The following KCNIP4 variants were observed in gnomAD, a reference collection of about 807,000 sequenced individuals.
The protein encoded by KCNIP4 is potassium voltage-gated channel interacting protein 4.
In KCNIP4, 12 loss-of-function variants were observed where a neutral mutation model predicts 34.0. The observed-to-expected ratio is 0.35, with a 90% confidence interval of 0.23 to 0.57. The LOEUF (loss-of-function observed/expected upper bound fraction) is 0.57, where lower values mean the gene tolerates loss of function less well. KCNIP4 is among the 20% of genes least tolerant of loss of function. The pLI is 0.83. For missense variants in KCNIP4, 238 were observed against 311.7 expected (o/e 0.76, Z 1.78); for synonymous variants, 124 against 102.2 (o/e 1.21, Z -1.29).
Position 21,399,583 on chromosome 4 carries a change from T to TAA in KCNIP4, c.62-516875_62-516874insTT, listed in dbSNP as rs202236308. 8.4e-3 allele frequency among the ~76,000 whole-genome samples: 1,285 copies of TAA among 152,272 alleles called. 17 individuals are homozygous for TAA. Among genetic ancestry groups the TAA allele is most frequent in the African/African-American group, 0.03 (1,235 of 41,536 alleles). On this transcript the variant is annotated intron_variant, in intron 1 of 8. Transcript: ENST00000382152. ...CAGTTTGAACTGGCTTTTAAGTCAC[T>TAA]CAAGTACTAACTGGGCTTGCCAGAT...
intron 1 of KCNIP4, among the ~76,000 whole-genome samples, chr4:21,443,313 C>G (rs1391863045): frequency 6.6e-6 from 1 of 152,178 alleles, no homozygotes; most frequent in East Asian, 1.9e-4. Context: ...CTATCCCTCC[C>G]TCTGTGTGAA....
chr4:21,594,008 TG>T (rs1742428682), intron 1 of KCNIP4, among the ~76,000 whole-genome samples: 1 of 152,044 alleles, frequency 6.6e-6, no homozygotes, highest in South Asian at 2.1e-4. Flanking sequence ...TAGTATACCT[TG>T]GGGCCTGCAT....
intron 5 of KCNIP4, among the ~76,000 whole-genome samples, chr4:20,735,827 G>T (rs564317171): frequency 6.6e-6 from 1 of 152,140 alleles, no homozygotes; most frequent in South Asian, 2.1e-4. Flanking sequence ...GAGCCACCAC[G>T]CCTGGCCAGA....
At chr4:20,910,911 C>T (rs1158084008) in intron 1 of KCNIP4, among the ~76,000 whole-genome samples, 1 of 152,108 alleles carries the variant, frequency 6.6e-6, no homozygotes, top group African/African-American at 2.4e-5. Context: ...GAAGCTTTTC[C>T]TCCTCCTTTA....
At chr4:20,787,494 A>T (rs142265962) in intron 3 of KCNIP4, among the ~76,000 whole-genome samples, 2,721 of 152,024 alleles carry the variant, frequency 0.018, 29 homozygotes, top group Non-Finnish European at 0.027. Flanking sequence ...TATTGATTTT[A>T]TTTTTGGCGC....
chr4:21,133,040 T>G (rs1751205482), intron 1 of KCNIP4, among the ~76,000 whole-genome samples: 1 of 151,340 alleles, frequency 6.6e-6, no homozygotes, highest in South Asian at 2.1e-4. Flanking sequence ...GTTTTGCAAA[T>G]GTCAAAAATT....
chr4:21,384,941 C>T (rs564184357), intron 1 of KCNIP4, among the ~76,000 whole-genome samples: 2 of 152,262 alleles, frequency 1.3e-5, no homozygotes, highest in East Asian at 1.9e-4. Flanking sequence ...ACTAAGCTAT[C>T]GTGTCATTAA....
chr4:21,148,672 T>C (rs1386280023), intron 1 of KCNIP4, among the ~76,000 whole-genome samples: 4 of 150,908 alleles, frequency 2.7e-5, no homozygotes, highest in African/African-American at 9.8e-5. Flanking sequence ...AAATTCCAAC[T>C]GTGATACTAC....
chr4:21,721,770 A>G (rs115735044), intron 1 of KCNIP4, among the ~76,000 whole-genome samples: 306 of 152,316 alleles, frequency 2.0e-3, no homozygotes, highest in African/African-American at 6.8e-3. Flanking sequence ...TCAATAAAAC[A>G]TGGTTGTAAA....
rs141821316 is a variant in KCNIP4 at position 21,465,766 on chromosome 4, C to A, written c.61+482805G>T. On this transcript the variant is annotated intron_variant, in intron 1 of 8. Transcript: ENST00000382152. Reference sequence around the variant, plus strand: ...GTACCTGACACATAGTGGGCACTCTCCAAGAGTGGTAGCTTAAAACATGCA... The same window carrying A: ...GTACCTGACACATAGTGGGCACTCTACAAGAGTGGTAGCTTAAAACATGCA... Among the ~76,000 whole-genome samples, 47 of 152,284 alleles carry A rather than the reference C, an allele frequency of 3.1e-4. 1 individual carries two copies. Among genetic ancestry groups the A allele is most frequent in the Middle Eastern group, 3.4e-3 (1 of 292 alleles).
At chr4:21,005,787 G>A (rs1229542699) in intron 1 of KCNIP4, among the ~76,000 whole-genome samples, 3 of 152,112 alleles carry the variant, frequency 2.0e-5, no homozygotes, top group Non-Finnish European at 4.4e-5. Context: ...GAAGGAGGAA[G>A]GACAGGCCCT....
chr4:21,399,945 G>T lies in KCNIP4; in HGVS notation c.62-517236C>A, dbSNP rs77959245. On this transcript the variant is annotated intron_variant, in intron 1 of 8. Coordinates refer to ENST00000382152, the MANE Select transcript of KCNIP4 (RefSeq NM_025221.6). Reference sequence around the variant, plus strand: ...AGGTGCTGTCATAAGAAGTAGTAAGGTGTTGTATATACTTTCCTGGAGAGG... The same window carrying T: ...AGGTGCTGTCATAAGAAGTAGTAAGTTGTTGTATATACTTTCCTGGAGAGG... 8.5e-3 allele frequency among the ~76,000 whole-genome samples: 1,294 copies of T among 152,230 alleles called. 19 individuals are homozygous for T. The highest frequency in any genetic ancestry group is 0.03 in the African/African-American group (1,243 of 41,524).
intron 1 of KCNIP4, among the ~76,000 whole-genome samples, chr4:21,004,309 A>G (rs527552057): frequency 9.2e-5 from 14 of 152,322 alleles, no homozygotes; most frequent in African/African-American, 3.4e-4. Flanking sequence ...GCTCGATTCA[A>G]TGAGAAAGGA....
chr4:20,795,849 A>G (rs1713378705), intron 3 of KCNIP4, among the ~76,000 whole-genome samples: 1 of 152,172 alleles, frequency 6.6e-6, no homozygotes, highest in African/African-American at 2.4e-5. Flanking sequence ...TCCACTGTTG[A>G]AGTTCTTTTT....
intron 1 of KCNIP4, among the ~76,000 whole-genome samples, chr4:21,768,809 C>T (rs749979546): frequency 6.6e-6 from 1 of 151,942 alleles, no homozygotes; most frequent in Non-Finnish European, 1.5e-5. Context: ...TGGTATACAG[C>T]CTTCAAGAAC....
At chr4:21,117,218 G>A (rs1250284805) in intron 1 of KCNIP4, among the ~76,000 whole-genome samples, 1 of 146,170 alleles carries the variant, frequency 6.8e-6, no homozygotes, top group Non-Finnish European at 1.5e-5. Context: ...GTGAACACTG[G>A]AATCACCTGA....
At chr4:21,211,929 AT>A (rs149981240) in intron 1 of KCNIP4, among the ~76,000 whole-genome samples, 9,954 of 151,762 alleles carry the variant, frequency 0.066, 389 homozygotes, top group East Asian at 0.15. Context: ...TCATCACAGG[AT>A]TTATAAAAGC....
Position 21,741,346 on chromosome 4 carries a change from A to G in KCNIP4, c.61+207225T>C, listed in dbSNP as rs1273480267. ...CAGGGAACTCAAATAGCACCGTGGA[A>G]ACAACTAACAGAATGGACGTTCTCA... On this transcript the variant is annotated intron_variant, in intron 1 of 8. Coordinates refer to ENST00000382152, the MANE Select transcript of KCNIP4 (RefSeq NM_025221.6). Among the ~76,000 whole-genome samples the G allele has an allele frequency of 3.3e-5, 5 of 152,292 alleles. No homozygotes were observed. In the East Asian group the frequency reaches 9.7e-4, roughly 30 times the overall value.
chr4:21,923,212 G>A (rs1560183912), intron 1 of KCNIP4, among the ~76,000 whole-genome samples: 1 of 152,118 alleles, frequency 6.6e-6, no homozygotes, highest in Non-Finnish European at 1.5e-5. Flanking sequence ...TCTACCAACA[G>A]ACTGGCCTGC....
Sources: gnomAD v4.1 joint callset for allele counts (sites outside exome capture counted in the v4.1 genomes callset) on GRCh38, gnomAD v4.1.1 for gene constraint, MANE v1.5 for transcripts, NCBI Gene and HGNC (gene_info 2026-07-23, HGNC 2026-07-21) for gene names.